The following PITPNM2 variants were observed in gnomAD, a reference collection of about 807,000 sequenced individuals.
PITPNM2 encodes membrane-associated phosphatidylinositol transfer protein 2.
A neutral mutation model predicts 132.2 loss-of-function variants in PITPNM2; 35 were observed. The ratio of observed to expected loss-of-function variants is 0.26; its 90% confidence interval spans 0.20 to 0.35. PITPNM2 has a LOEUF of 0.35. PITPNM2 is among the 10% of genes least tolerant of loss of function. The pLI is 1.00. For synonymous variants in PITPNM2, 738 were observed against 799.2 expected (o/e 0.92, Z 1.29); for missense variants, 1,332 against 1,912.0 (o/e 0.70, Z 5.66).
chr12:123,060,342 C>A (rs2041192312), intron 2 of PITPNM2, among the ~76,000 whole-genome samples: 1 of 152,188 alleles, frequency 6.6e-6, no homozygotes, highest in Non-Finnish European at 1.5e-5. Context: ...GGACCCAGCC[C>A]GTCTGGGTGC....
At chr12:123,073,171 T>C (rs1028480986) in intron 2 of PITPNM2, among the ~76,000 whole-genome samples, 6 of 152,356 alleles carry the variant, frequency 3.9e-5, no homozygotes, top group Middle Eastern at 3.4e-3. Flanking sequence ...ACTTTCAACC[T>C]CTTAGGAAGA....
intron 2 of PITPNM2, among the ~76,000 whole-genome samples, chr12:123,061,172 C>T (rs527523629): frequency 2.0e-5 from 3 of 152,168 alleles, no homozygotes; most frequent in East Asian, 1.9e-4. Context: ...GTCTTCACAA[C>T]GGGTCACAGT....
intron 3 of PITPNM2, 70 bp downstream of exon 3, chr12:123,034,443 C>T: frequency 7.0e-7 from 1 of 1,434,798 alleles, no homozygotes; most frequent in South Asian, 1.2e-5. Context: ...TCCACCTAAC[C>T]CACATGTGGT....
At chr12:123,033,280 G>A (rs925026490) in intron 3 of PITPNM2, among the ~76,000 whole-genome samples, 3 of 152,376 alleles carry the variant, frequency 2.0e-5, no homozygotes, top group African/African-American at 7.2e-5. Context: ...AGCCTGGAGG[G>A]AAGCTGCCGG....
intron 3 of PITPNM2, among the ~76,000 whole-genome samples, chr12:123,016,262 G>A (rs565024947): frequency 6.6e-6 from 1 of 151,720 alleles, no homozygotes; most frequent in East Asian, 2.0e-4. Flanking sequence ...GGAGGCAGAG[G>A]TTGCAGTGAG....
Position 123,005,326 on chromosome 12 carries a change from C to T in PITPNM2, c.866G>A (p.Ser289Asn), listed in dbSNP as rs1189616497. 3 of 1,613,950 alleles carry T rather than the reference C, an allele frequency of 1.9e-6. No homozygotes were observed. The highest frequency in any genetic ancestry group is 2.5e-6 in the Non-Finnish European group (3 of 1,180,020). ...CCCCACTAGGGGCTCCCCATTGCTG[C>T]TGCTGGGCTCCGGGGGCTCCCCAGA... Reference protein sequence around the residue: ...QTSGEPPEPSSSNGEPLVGRG... With the variant: ...QTSGEPPEPSNSNGEPLVGRG... Residue 289 changes from serine to asparagine, a missense_variant, in exon 7 of 26, where the codon AGC becomes AAC. Coordinates refer to ENST00000320201, the MANE Select transcript of PITPNM2 (RefSeq NM_020845.3). The surrounding 1 kb of genome is among the most constrained non-coding windows in gnomAD (Gnocchi z 6.2).
intron 2 of PITPNM2, among the ~76,000 whole-genome samples, chr12:123,049,147 C>T (rs965346554): frequency 1.3e-5 from 2 of 151,926 alleles, no homozygotes; most frequent in African/African-American, 2.4e-5. Flanking sequence ...AACACACACA[C>T]ACACACACAC....
intron 1 of PITPNM2, among the ~76,000 whole-genome samples, chr12:123,140,210 G>A (rs1041307559): frequency 1.3e-5 from 2 of 152,180 alleles, no homozygotes; most frequent in African/African-American, 4.8e-5. Flanking sequence ...GGGGACCTGA[G>A]TCAGAGGTTC....
At chr12:123,107,184 T>C (rs1450510686) in intron 2 of PITPNM2, among the ~76,000 whole-genome samples, 1 of 152,132 alleles carries the variant, frequency 6.6e-6, no homozygotes, top group Non-Finnish European at 1.5e-5. Context: ...ACAGAGACAA[T>C]GGCAGGAAGT....
Position 123,064,921 on chromosome 12 carries a change from G to A in PITPNM2, c.-95-30236C>T, listed in dbSNP as rs1340758683. ...TTTGTGGACCACCACCCACCTTGGAGGGTTGAGTGGGATTAAATGAGGTGA... is the reference window on the plus strand; with the variant it reads ...TTTGTGGACCACCACCCACCTTGGAAGGTTGAGTGGGATTAAATGAGGTGA... On this transcript the variant is annotated intron_variant, in intron 2 of 25. Coordinates refer to ENST00000320201, the MANE Select transcript of PITPNM2 (RefSeq NM_020845.3). This position sits in a 1 kb window ranked among gnomAD's most constrained non-coding sequence, Gnocchi z 4.0. Among the ~76,000 whole-genome samples the A allele has an allele frequency of 6.6e-6, 1 of 152,204 alleles. No individual in the cohort carries two copies. The highest frequency in any genetic ancestry group is 1.5e-5 in the Non-Finnish European group (1 of 68,038).
intron 2 of PITPNM2, among the ~76,000 whole-genome samples, chr12:123,097,000 G>T (rs1325258916): frequency 6.6e-6 from 1 of 152,036 alleles, no homozygotes; most frequent in African/African-American, 2.4e-5. Context: ...GGGCCACCCT[G>T]CCATCTCTCT....
chr12:123,046,649 G>C (rs988131598), intron 2 of PITPNM2, among the ~76,000 whole-genome samples: 1 of 152,144 alleles, frequency 6.6e-6, no homozygotes, highest in Non-Finnish European at 1.5e-5. Context: ...TGTTTTGATG[G>C]ATTTGCCTAT....
intron 3 of PITPNM2, among the ~76,000 whole-genome samples, chr12:123,020,481 A>G (rs966916019): frequency 6.6e-6 from 1 of 152,172 alleles, no homozygotes; most frequent in African/African-American, 2.4e-5. Context: ...AGAGGAGCAC[A>G]ATCTAATCTG....
Position 122,988,259 on chromosome 12 carries a change from C to A in PITPNM2, c.2972G>T (p.Arg991Leu). The A allele has an allele frequency of 6.2e-7, 1 of 1,612,998 alleles. No homozygotes were observed. Among genetic ancestry groups the A allele is most frequent in the Non-Finnish European group, 8.5e-7 (1 of 1,179,964 alleles). The change falls in exon 20 of 26, where the codon CGC becomes CTC. Residue 991 changes from arginine (R) to leucine (L), a missense_variant. Transcript: ENST00000320201. Reference sequence around the variant, plus strand: ...CCGCAGCTTCACGTGGGTCCGCTTGCGCTGCCACTTCTCCCTTGGCTTTGA... The same window carrying A: ...CCGCAGCTTCACGTGGGTCCGCTTGAGCTGCCACTTCTCCCTTGGCTTTGA... ...TPSKPREKWQ[R>L]KRTHVKLRNV...
In PITPNM2 at chr12:122,989,865, C is replaced by CG; in HGVS notation, c.2652_2653insC (p.Gly885ArgfsTer21). 1.9e-6 allele frequency: 2 copies of CG among 1,063,040 alleles called. No individual in the cohort carries two copies. The highest frequency in any genetic ancestry group is 6.5e-5 in the South Asian group (2 of 30,844). The allele number at this position is 1,063,040 out of a possible 1,614,324, so 65.9% of individuals were successfully genotyped here. ...GCCTTCCTGGCTGGAGGGTGGGGGC[C>CG]AGGGGTGGTGGGGCTGGGGGCGGGC... is the stretch of plus-strand genomic sequence containing the variant. On this transcript the variant is annotated frameshift_variant, in exon 18 of 26. Transcript: ENST00000320201. LOFTEE classifies it high-confidence loss of function.
chr12:123,079,743 C>T (rs1297150221), intron 2 of PITPNM2, among the ~76,000 whole-genome samples: 2 of 152,098 alleles, frequency 1.3e-5, no homozygotes, highest in Admixed American at 6.6e-5. Flanking sequence ...TAGATTCTAC[C>T]GCTTCTTCTC....
chr12:123,098,379 C>A (rs1255737114), intron 2 of PITPNM2, among the ~76,000 whole-genome samples: 1 of 152,058 alleles, frequency 6.6e-6, no homozygotes, highest in African/African-American at 2.4e-5. Flanking sequence ...CCAGCCAGAG[C>A]CCTATCATAG....
chr12:123,012,123 C>T (rs2039234112), intron 5 of PITPNM2, among the ~76,000 whole-genome samples: 2 of 152,204 alleles, frequency 1.3e-5, no homozygotes, highest in South Asian at 4.1e-4. Flanking sequence ...TAATTGGTTG[C>T]TAACATTTAG....
At chr12:123,137,749 G>A (rs547777755) in intron 1 of PITPNM2, among the ~76,000 whole-genome samples, 2 of 151,930 alleles carry the variant, frequency 1.3e-5, no homozygotes, top group South Asian at 2.1e-4. Context: ...AAAAATTAGC[G>A]GGACGTGGTG....
Sources: gnomAD v4.1 joint callset for allele counts (sites outside exome capture counted in the v4.1 genomes callset) on GRCh38, gnomAD v4.1.1 for gene constraint, Gnocchi (gnomAD v3.1) non-coding constraint, MANE v1.5 for transcripts, NCBI Gene and HGNC (gene_info 2026-07-23, HGNC 2026-07-21) for gene names.